TAS2R1: variants seen among roughly 807,000 people sequenced by gnomAD.
The protein encoded by TAS2R1 is taste receptor type 2 member 1.
For synonymous variants in TAS2R1, 141 were observed against 134.2 expected, an observed-to-expected ratio of 1.05 and a Z score of -0.35; for missense variants, 370 against 353.4, an observed-to-expected ratio of 1.05 and a Z score of -0.38.
the TAS2R1 span, among the ~76,000 whole-genome samples, chr5:9,895,984 G>A: frequency 2.0e-5 from 3 of 152,166 alleles, no homozygotes; most frequent in Non-Finnish European, 4.4e-5. Context: ...TGAAAATAGT[G>A]GCCTCTAAAA....
chr5:9,678,116 G>A (rs565688211), intron 1 of TAS2R1, among the ~76,000 whole-genome samples: 1 of 151,908 alleles, frequency 6.6e-6, no homozygotes, highest in East Asian at 1.9e-4. Context: ...AAAAAAATGG[G>A]CAAAGGACAT....
At chr5:9,768,905 T>C in the TAS2R1 span, among the ~76,000 whole-genome samples, 1 of 152,312 alleles carries the variant, frequency 6.6e-6, no homozygotes, top group South Asian at 2.1e-4. Context: ...AACATCATCT[T>C]TTCTTTGTAT....
intron 1 of TAS2R1, among the ~76,000 whole-genome samples, chr5:9,696,722 A>G (rs1260732485): frequency 6.6e-6 from 1 of 152,064 alleles, no homozygotes; most frequent in Non-Finnish European, 1.5e-5. Context: ...ACTACTAAAG[A>G]AATTCGCAAG....
At chr5:9,806,850 T>G in the TAS2R1 span, among the ~76,000 whole-genome samples, 1 of 151,194 alleles carries the variant, frequency 6.6e-6, no homozygotes, top group Non-Finnish European at 1.5e-5. Context: ...AGGCAAAGAG[T>G]TCATGATCAA....
chr5:9,682,664 T>A (rs535510798), intron 1 of TAS2R1, among the ~76,000 whole-genome samples: 1 of 152,164 alleles, frequency 6.6e-6, no homozygotes, highest in Non-Finnish European at 1.5e-5. Flanking sequence ...ACAGGGCAGA[T>A]CATGCACCTG....
chr5:9,665,556 C>T (rs1223279005), intron 1 of TAS2R1, among the ~76,000 whole-genome samples: 1 of 152,228 alleles, frequency 6.6e-6, no homozygotes, highest in Non-Finnish European at 1.5e-5. Context: ...CCTGCTTCCT[C>T]TCTAGGACAC....
At chr5:9,759,964 C>T in the TAS2R1 span, among the ~76,000 whole-genome samples, 6 of 152,246 alleles carry the variant, frequency 3.9e-5, no homozygotes, top group South Asian at 6.2e-4. Context: ...TTTCACTACA[C>T]TAACCAACAA....
chr5:9,717,998 T>C, the TAS2R1 span, among the ~76,000 whole-genome samples: 1 of 152,230 alleles, frequency 6.6e-6, no homozygotes, highest in Non-Finnish European at 1.5e-5. Context: ...TCTCACTCTG[T>C]TGCCACGCTG....
the TAS2R1 span, among the ~76,000 whole-genome samples, chr5:9,836,350 C>T: frequency 1.6e-3 from 240 of 152,246 alleles, no homozygotes; most frequent in Admixed American, 2.9e-3. Flanking sequence ...CAAATCCCTT[C>T]GTGGGCTGAA....
At chr5:9,684,361 G>T (rs982897771) in intron 1 of TAS2R1, among the ~76,000 whole-genome samples, 1 of 152,190 alleles carries the variant, frequency 6.6e-6, no homozygotes, top group South Asian at 2.1e-4. Context: ...ACTCATAGAA[G>T]TAGAGTAGAA....
chr5:9,840,351 T>C, the TAS2R1 span, among the ~76,000 whole-genome samples: 2 of 152,202 alleles, frequency 1.3e-5, no homozygotes, highest in Non-Finnish European at 2.9e-5. Context: ...GTTCTTTATC[T>C]GAATGAATGG....
At chr5:9,832,090 C>T in the TAS2R1 span, among the ~76,000 whole-genome samples, 5 of 152,162 alleles carry the variant, frequency 3.3e-5, no homozygotes, top group South Asian at 2.1e-4. Flanking sequence ...AGCTCATCTC[C>T]GGCTTAGGTT....
the TAS2R1 span, among the ~76,000 whole-genome samples, chr5:9,756,999 A>G: frequency 6.6e-6 from 1 of 152,220 alleles, no homozygotes; most frequent in Non-Finnish European, 1.5e-5. Flanking sequence ...ACACACATAA[A>G]GCACAGAAAA....
At chr5:9,751,375 T>A in the TAS2R1 span, among the ~76,000 whole-genome samples, 2 of 151,694 alleles carry the variant, frequency 1.3e-5, no homozygotes, top group Admixed American at 1.3e-4. Flanking sequence ...TTCTGGTCAA[T>A]ATATTGGTCT....
the TAS2R1 span, among the ~76,000 whole-genome samples, chr5:9,848,193 A>G: frequency 6.6e-6 from 1 of 152,220 alleles, no homozygotes; most frequent in Non-Finnish European, 1.5e-5. Context: ...GCAGGTTTAC[A>G]ATAAATGCCT....
At chr5:9,844,029 G>A in the TAS2R1 span, among the ~76,000 whole-genome samples, 1 of 152,102 alleles carries the variant, frequency 6.6e-6, no homozygotes, top group African/African-American at 2.4e-5. Flanking sequence ...ATAATTTCTT[G>A]CTCTAGTATA....
At chr5:9,761,727 G>C in the TAS2R1 span, among the ~76,000 whole-genome samples, 1 of 152,184 alleles carries the variant, frequency 6.6e-6, no homozygotes, top group African/African-American at 2.4e-5. Flanking sequence ...TGCATCAAAT[G>C]CAAGGGTTGC....
chr5:9,735,998 G>T, the TAS2R1 span, among the ~76,000 whole-genome samples: 1 of 152,188 alleles, frequency 6.6e-6, no homozygotes, highest in Admixed American at 6.5e-5. Context: ...CAGTGGGCAT[G>T]CAGCTTCCTG....
At chr5:9,853,791 C>T in the TAS2R1 span, among the ~76,000 whole-genome samples, 1 of 152,070 alleles carries the variant, frequency 6.6e-6, no homozygotes, top group African/African-American at 2.4e-5. Context: ...AGATATGAGG[C>T]AGAGTGACCA....
Sources: gnomAD v4.1 joint callset for allele counts (sites outside exome capture counted in the v4.1 genomes callset) on GRCh38, gnomAD v4.1.1 for gene constraint, MANE v1.5 for transcripts, NCBI Gene and HGNC (gene_info 2026-07-23, HGNC 2026-07-21) for gene names.